TAS2R1: variants seen among roughly 807,000 people sequenced by gnomAD.
TAS2R1 encodes taste 2 receptor member 1.
For missense variants in TAS2R1, 370 were observed against 353.4 expected (o/e 1.05, Z -0.38); for synonymous variants, 141 against 134.2 (o/e 1.05, Z -0.35).
the TAS2R1 span, among the ~76,000 whole-genome samples, chr5:9,858,034 G>A: frequency 6.6e-6 from 1 of 152,134 alleles, no homozygotes; most frequent in Non-Finnish European, 1.5e-5. Context: ...GGCCATCCCA[G>A]TGCTGGGGGT....
chr5:9,783,059 G>A, the TAS2R1 span, among the ~76,000 whole-genome samples: 4 of 152,082 alleles, frequency 2.6e-5, no homozygotes, highest in Non-Finnish European at 5.9e-5. Flanking sequence ...CTGCAGAAGG[G>A]GCGTGTCTCC....
chr5:9,649,478 T>A (rs1329769965), intron 2 of TAS2R1, among the ~76,000 whole-genome samples: 1 of 152,198 alleles, frequency 6.6e-6, no homozygotes, highest in Non-Finnish European at 1.5e-5. Flanking sequence ...CTACATCTTA[T>A]CTTTTCAAAA....
the TAS2R1 span, among the ~76,000 whole-genome samples, chr5:9,794,547 A>AT: frequency 6.6e-6 from 1 of 152,230 alleles, no homozygotes. Context: ...AAATTACTAA[A>AT]TTTATTATTT....
chr5:9,833,609 A>T, the TAS2R1 span, among the ~76,000 whole-genome samples: 2 of 152,236 alleles, frequency 1.3e-5, no homozygotes, highest in African/African-American at 4.8e-5. Context: ...GTATCAAAAA[A>T]CAAAAGAAGA....
At chr5:9,754,126 CCAG>C in the TAS2R1 span, among the ~76,000 whole-genome samples, 2 of 152,116 alleles carry the variant, frequency 1.3e-5, no homozygotes, top group Non-Finnish European at 2.9e-5. Flanking sequence ...TAAACGTAAT[CCAG>C]CATATAAACA....
the TAS2R1 span, among the ~76,000 whole-genome samples, chr5:9,871,024 G>T: frequency 0.043 from 6,488 of 152,228 alleles, 350 homozygotes; most frequent in East Asian, 0.22. Flanking sequence ...GTTACATAAT[G>T]CAGGGTTTGA....
At chr5:9,782,632 C>A in the TAS2R1 span, among the ~76,000 whole-genome samples, 1 of 152,206 alleles carries the variant, frequency 6.6e-6, no homozygotes, top group Non-Finnish European at 1.5e-5. Context: ...GGGACCTTGT[C>A]TTTACATCAC....
the TAS2R1 span, among the ~76,000 whole-genome samples, chr5:9,872,006 A>G: frequency 6.6e-6 from 1 of 152,358 alleles, no homozygotes; most frequent in Non-Finnish European, 1.5e-5. Flanking sequence ...GCTAATTTCA[A>G]AAGTGTAGAT....
the TAS2R1 span, among the ~76,000 whole-genome samples, chr5:9,850,698 C>G: frequency 2.2e-4 from 33 of 152,224 alleles, no homozygotes; most frequent in South Asian, 2.1e-4. Flanking sequence ...CCCCACAGGC[C>G]TCCTACCACC....
At chr5:9,663,079 C>A (rs934644689) in intron 1 of TAS2R1, among the ~76,000 whole-genome samples, 2 of 152,098 alleles carry the variant, frequency 1.3e-5, no homozygotes, top group African/African-American at 4.8e-5. Context: ...CAATACAATT[C>A]TACGTTATAT....
At chr5:9,675,426 T>A (rs988983897) in intron 1 of TAS2R1, among the ~76,000 whole-genome samples, 2 of 150,202 alleles carry the variant, frequency 1.3e-5, no homozygotes, top group Non-Finnish European at 3.0e-5. Flanking sequence ...TTTCTTTTTT[T>A]TTTTTTTTTG....
the TAS2R1 span, among the ~76,000 whole-genome samples, chr5:9,735,068 C>T: frequency 0.017 from 2,521 of 151,290 alleles, 193 homozygotes; most frequent in African/African-American, 0.056. Context: ...GGGAAGCAGG[C>T]GCGTCTTCAC....
At chr5:9,685,760 A>G (rs1741111548) in intron 1 of TAS2R1, among the ~76,000 whole-genome samples, 1 of 152,164 alleles carries the variant, frequency 6.6e-6, no homozygotes, top group Admixed American at 6.6e-5. Context: ...TTCTATACCT[A>G]TTTTTTTAAG....
At position 9,629,863 on chromosome 5, in the gene TAS2R1, A is replaced by C; in HGVS notation, c.170T>G (p.Phe57Cys). The stretch of plus-strand genomic sequence containing the variant: ...AACGTAGAAGATGAACAACTGCAGA[A>C]AAATTCTAGAAACTGCCAGACAAGA... ...LLSCLAVSRI[F>C]LQLFIFYVNV... The change falls in exon 1 of 1, where the codon TTT (phenylalanine) becomes TGT (cysteine). Residue 57 changes from phenylalanine (F) to cysteine (C), a missense_variant. Transcript: ENST00000382492. 1 of 1,613,704 alleles carries C rather than the reference A, an allele frequency of 6.2e-7. No homozygotes were observed. Among genetic ancestry groups the C allele is most frequent in the Non-Finnish European group, 8.5e-7 (1 of 1,179,954 alleles).
At chr5:9,688,078 T>A (rs938905562) in intron 1 of TAS2R1, among the ~76,000 whole-genome samples, 4 of 152,220 alleles carry the variant, frequency 2.6e-5, no homozygotes, top group Non-Finnish European at 4.4e-5. Context: ...AAAAGATAAC[T>A]TGAGTTATTA....
intron 1 of TAS2R1, among the ~76,000 whole-genome samples, chr5:9,682,030 T>C (rs1324598402): frequency 2.0e-5 from 3 of 152,212 alleles, no homozygotes; most frequent in South Asian, 2.1e-4. Flanking sequence ...TTATGTCTCA[T>C]TTTTTTTCTT....
chr5:9,823,057 C>T, the TAS2R1 span, among the ~76,000 whole-genome samples: 40 of 138,152 alleles, frequency 2.9e-4, no homozygotes, highest in African/African-American at 1.0e-3. Context: ...CTTGGAAAAA[C>T]AGAACAAGAA....
chr5:9,691,577 C>A (rs562038369), intron 1 of TAS2R1, among the ~76,000 whole-genome samples: 3 of 152,146 alleles, frequency 2.0e-5, no homozygotes, highest in African/African-American at 7.2e-5. Flanking sequence ...TATTTCATAT[C>A]GTAAGGAAAG....
chr5:9,859,862 C>T, the TAS2R1 span, among the ~76,000 whole-genome samples: 8 of 152,214 alleles, frequency 5.3e-5, no homozygotes, highest in South Asian at 6.2e-4. Context: ...ATTCTTACCT[C>T]TCTCACAGGA....
Sources: gnomAD v4.1 joint callset for allele counts (sites outside exome capture counted in the v4.1 genomes callset) on GRCh38, gnomAD v4.1.1 for gene constraint, MANE v1.5 for transcripts, NCBI Gene and HGNC (gene_info 2026-07-23, HGNC 2026-07-21) for gene names.